Variants in MCF2L observed in about 807,000 individuals in gnomAD.
MCF2L encodes MCF.2 cell line derived transforming sequence like, also known as guanine nucleotide exchange factor DBS.
A neutral mutation model predicts 153.4 loss-of-function variants in MCF2L; 97 were observed. That is an observed-to-expected ratio of 0.63 (90% CI 0.54 to 0.75). The LOEUF (loss-of-function observed/expected upper bound fraction) is 0.75. Among genes scored for constraint, MCF2L ranks in the 30% least tolerant of loss-of-function variants. MCF2L has a pLI of 0.00. For missense variants in MCF2L, 1,347 were observed against 1,495.2 expected, an observed-to-expected ratio of 0.90 and a Z score of 1.64; for synonymous variants, 659 against 632.2, an observed-to-expected ratio of 1.04 and a Z score of -0.64.
chr13:112,919,769 T>C (rs1448268072), intron 2 of MCF2L, among the ~76,000 whole-genome samples: 1 of 152,234 alleles, frequency 6.6e-6, no homozygotes, highest in Non-Finnish European at 1.5e-5. Flanking sequence ...ACAGTATTCA[T>C]TCATTTTATC....
At chr13:112,992,220 T>G (rs961726195) in intron 1 of MCF2L, among the ~76,000 whole-genome samples, 1 of 152,258 alleles carries the variant, frequency 6.6e-6, no homozygotes, top group Non-Finnish European at 1.5e-5. Flanking sequence ...TGTCTCATTA[T>G]GTATATGCAC....
In MCF2L at chr13:112,993,654, A is replaced by G. The variant is rs2082985176; in HGVS notation, c.80-21109A>G. On this transcript the variant is annotated intron_variant, in intron 1 of 29. Coordinates refer to ENST00000535094, the MANE Select transcript of MCF2L (RefSeq NM_001112732.3). The surrounding 1 kb of genome is among the most constrained non-coding windows in gnomAD (Gnocchi z 4.6). ...GAGAGGGAGCGAGAAGTCATCGTCAATGGCCCCACGATGTCAGGCTTGGAA... is the reference window on the plus strand; with the variant it reads ...GAGAGGGAGCGAGAAGTCATCGTCAGTGGCCCCACGATGTCAGGCTTGGAA... 6.6e-6 allele frequency among the ~76,000 whole-genome samples: 1 copy of G among 152,060 alleles called. No individual in the cohort carries two copies. Among genetic ancestry groups the G allele is most frequent in the Non-Finnish European group, 1.5e-5 (1 of 68,022 alleles).
chr13:112,969,521 G>T lies in MCF2L; in HGVS notation c.79+63G>T. Reference sequence around the variant, plus strand: ...AGCTTGACATCATGGGCTGAAATGTGGGGAAATGCGTCTGATTTTTGTAAG... The same window carrying T: ...AGCTTGACATCATGGGCTGAAATGTTGGGAAATGCGTCTGATTTTTGTAAG... On this transcript the variant is annotated intron_variant, in intron 1 of 29. Coordinates refer to ENST00000535094, the MANE Select transcript of MCF2L (RefSeq NM_001112732.3). The surrounding 1 kb of genome is among the most constrained non-coding windows in gnomAD (Gnocchi z 4.8). The T allele has an allele frequency of 6.5e-7, 1 of 1,544,392 alleles. No homozygotes were observed. Among genetic ancestry groups the T allele is most frequent in the South Asian group, 1.2e-5 (1 of 83,852 alleles).
chr13:113,036,151 C>G (rs2086140213), intron 3 of MCF2L, among the ~76,000 whole-genome samples: 1 of 152,174 alleles, frequency 6.6e-6, no homozygotes, highest in African/African-American at 2.4e-5. Context: ...GCACCTCAGT[C>G]CCACAGACCG....
chr13:113,081,923 AGT>A (rs1321641829), intron 16 of MCF2L, among the ~76,000 whole-genome samples: 1 of 150,416 alleles, frequency 6.6e-6, no homozygotes, highest in Non-Finnish European at 1.5e-5. Flanking sequence ...TGATTCACTG[AGT>A]GTGCACATGT....
In MCF2L at chr13:112,903,812, T is replaced by G. The variant is rs60018277; in HGVS notation, c.169+1441T>G. ...TGGCACACCGCCTGCTTCTCTGGGA[T>G]GTACACACCTGAGAAACCCTGTGAG... On this transcript the variant is annotated intron_variant, in intron 2 of 29. Transcript: ENST00000375608. Among the ~76,000 whole-genome samples, 1,447 of 152,270 alleles carry G rather than the reference T, an allele frequency of 9.5e-3. 70 individuals carry two copies. The South Asian group carries it at 0.12, about 13-fold the overall frequency.
intron 2 of MCF2L, among the ~76,000 whole-genome samples, chr13:112,935,273 T>A (rs1255849919): frequency 3.3e-5 from 5 of 152,240 alleles, no homozygotes; most frequent in Non-Finnish European, 7.3e-5. Flanking sequence ...TACTTTTTTT[T>A]TGAGATGGAG....
At chr13:112,924,600 A>T (rs1372936256) in intron 2 of MCF2L, among the ~76,000 whole-genome samples, 4 of 152,254 alleles carry the variant, frequency 2.6e-5, no homozygotes, top group Non-Finnish European at 4.4e-5. Flanking sequence ...AGACTTGAAC[A>T]CATGGAAAAG....
intron 26 of MCF2L, chr13:113,091,003 A>G (rs2035153255): frequency 1.6e-6 from 2 of 1,254,454 alleles, no homozygotes; most frequent in Non-Finnish European, 2.1e-6. Context: ...ATCGGTGGAA[A>G]GGGGCCACAA....
At chr13:112,966,866 A>T (rs1040480909), upstream of MCF2L, among the ~76,000 whole-genome samples, 2 of 152,202 alleles carry the variant, frequency 1.3e-5, no homozygotes, top group Non-Finnish European at 2.9e-5. This position sits in a 1 kb window ranked among gnomAD's most constrained non-coding sequence, Gnocchi z 4.1. Context: ...TTTTGCTAGA[A>T]ATGCACATCC....
intron 2 of MCF2L, among the ~76,000 whole-genome samples, chr13:112,911,656 T>TCTGTGTTCACCTCCTTCCCCGA (rs2081234537): frequency 6.6e-6 from 1 of 152,214 alleles, no homozygotes; most frequent in Non-Finnish European, 1.5e-5. Context: ...GGCACCCCCT[T>TCTGTGTTCACCTCCTTCCCCGA]CTGTGTTCAC....
rs532077158 is a variant in MCF2L at position 113,060,503 on chromosome 13, C to T, written c.370-90C>T. 18 of 1,521,222 alleles carry T rather than the reference C, an allele frequency of 1.2e-5. No individual in the cohort carries two copies. In the East Asian group the frequency reaches 1.4e-4, roughly 12 times the overall value. 94.2% of individuals were successfully genotyped at this position (1,521,222 alleles called of 1,614,324 possible). A position where few individuals can be genotyped will look rare whatever the true frequency, so the allele number is the denominator to read the frequency against. ...GATGCCTGGCCGCTAGCTGCGCGCC[C>T]CCGGTCAGCCCAGCGTGCAGGCACC... On this transcript the variant is annotated intron_variant, in intron 4 of 29. Coordinates refer to ENST00000535094, the MANE Select transcript of MCF2L (RefSeq NM_001112732.3).
At chr13:113,015,386 G>A (rs904640670) in intron 2 of MCF2L, among the ~76,000 whole-genome samples, 2 of 152,228 alleles carry the variant, frequency 1.3e-5, no homozygotes, top group East Asian at 3.8e-4. Flanking sequence ...CTGCCCAACA[G>A]GACCCGTCAG....
chr13:113,088,449 A>G (rs746309603), intron 24 of MCF2L, 44 bp downstream of exon 24: 1 of 1,610,330 alleles, frequency 6.2e-7, no homozygotes, highest in Non-Finnish European at 8.5e-7. Context: ...CTTCCGCTCC[A>G]GGTGCATTTT....
intron 3 of MCF2L, chr13:113,026,768 CA>C: frequency 1.7e-6 from 1 of 599,728 alleles, no homozygotes; most frequent in Non-Finnish European, 3.0e-6. Context: ...ATCCAGTTAA[CA>C]AAAATGGTTC....
rs191462238 is a variant in MCF2L at position 112,939,339 on chromosome 13, A to G, written c.169+36968A>G. 2.6e-3 allele frequency among the ~76,000 whole-genome samples: 401 copies of G among 152,274 alleles called. 2 individuals are homozygous for G. Among genetic ancestry groups the G allele is most frequent in the Admixed American group, 5.3e-3 (81 of 15,298 alleles). On this transcript the variant is annotated intron_variant, in intron 2 of 29. Coordinates refer to the MCF2L transcript ENST00000375608. ...AACCTGTGCAGTGTGAGGTCTCAGC[A>G]GCATCCCTGGACCCTACCCACTCCA...
Position 113,074,420 on chromosome 13 carries a change from G to C in MCF2L, c.997-24G>C. 1 of 1,605,012 alleles carries C rather than the reference G, an allele frequency of 6.2e-7. No homozygotes were observed. Among genetic ancestry groups the C allele is most frequent in the Non-Finnish European group, 8.5e-7 (1 of 1,172,476 alleles). On this transcript the variant is annotated intron_variant, in intron 9 of 29. Transcript: ENST00000535094. The surrounding 1 kb of genome is among the most constrained non-coding windows in gnomAD (Gnocchi z 4.2). ...GTTCAGGTGAGGGAGACACCCCCCT[G>C]AGATGGGCCCTCCTCTGTTCCAGGT...
intron 2 of MCF2L, among the ~76,000 whole-genome samples, chr13:112,918,452 T>C (rs911030827): frequency 6.6e-6 from 1 of 152,074 alleles, no homozygotes; most frequent in Non-Finnish European, 1.5e-5. Context: ...AAGTTGAGGG[T>C]GTGCAGGCCC....
intron 1 of MCF2L, among the ~76,000 whole-genome samples, chr13:112,980,673 C>T (rs1249392595): frequency 6.6e-6 from 1 of 152,144 alleles, no homozygotes; most frequent in East Asian, 1.9e-4. Context: ...CCGCCTTGGG[C>T]ACGGACAGAG....
Sources: allele counts gnomAD v4.1 joint callset (sites outside exome capture counted in the v4.1 genomes callset), GRCh38; gene constraint gnomAD v4.1.1; non-coding constraint Gnocchi (gnomAD v3.1); transcripts MANE v1.5; gene names NCBI Gene and HGNC (gene_info 2026-07-23, HGNC 2026-07-21).